Variants in CCDC81 observed in about 807,000 individuals in gnomAD.
The protein encoded by CCDC81 is coiled-coil domain containing 81.
CCDC81 carries 79 observed loss-of-function variants against 83.7 expected under a neutral mutation model. The observed-to-expected ratio is 0.94, with a 90% CI of 0.79 to 1.14. The LOEUF is 1.14. Ranked by LOEUF, CCDC81 falls within the 50% of genes most tolerant of loss-of-function variation. The pLI, the probability that CCDC81 is intolerant of heterozygous loss-of-function variation, is 0.00. For missense variants in CCDC81, 791 were observed against 778.1 expected (o/e 1.02, Z -0.20); for synonymous variants, 252 against 278.1 (o/e 0.91, Z 0.93).
At chr11:86,400,145 A>AAG (rs1011827049) in intron 6 of CCDC81, among the ~76,000 whole-genome samples, 2 of 151,310 alleles carry the variant, frequency 1.3e-5, no homozygotes, top group African/African-American at 4.9e-5. Context: ...AAAAAAAAAA[A>AAG]AAAGAAAAAG....
At chr11:86,407,843 G>T in intron 8 of CCDC81, 142 bp downstream of exon 8, 1 of 685,734 alleles carries the variant, frequency 1.5e-6, no homozygotes, top group Non-Finnish European at 2.5e-6. Flanking sequence ...ACTAGACTGT[G>T]ATAAATCTAT....
intron 13 of CCDC81, among the ~76,000 whole-genome samples, chr11:86,418,775 G>A (rs886852081): frequency 1.3e-5 from 2 of 152,118 alleles, no homozygotes; most frequent in Non-Finnish European, 2.9e-5. Context: ...ACGTGAAGGC[G>A]TTCTGGAGAT....
intron 1 of CCDC81, among the ~76,000 whole-genome samples, chr11:86,379,857 G>A (rs1308095720): frequency 1.3e-5 from 2 of 152,114 alleles, no homozygotes; most frequent in Admixed American, 6.5e-5. Context: ...GGTGGCACAC[G>A]ACTGTAGTCC....
intron 1 of CCDC81, among the ~76,000 whole-genome samples, chr11:86,384,342 G>A (rs1948212437): frequency 6.6e-6 from 1 of 152,116 alleles, no homozygotes; most frequent in South Asian, 2.1e-4. Flanking sequence ...AACAAGGTAG[G>A]GTGGGCAGAG....
intron 13 of CCDC81, chr11:86,419,434 G>T (rs1404184736): frequency 1.3e-5 from 2 of 152,170 alleles, no homozygotes; most frequent in Non-Finnish European, 2.9e-5. Flanking sequence ...CAATGTTAAT[G>T]TTTTCTCTAT....
chr11:86,381,862 G>C (rs981323663), intron 1 of CCDC81, among the ~76,000 whole-genome samples: 2 of 152,152 alleles, frequency 1.3e-5, no homozygotes, highest in Admixed American at 6.6e-5. Flanking sequence ...AATTTGAGCT[G>C]AGTTGTGAAG....
intron 6 of CCDC81, 86 bp from the exon 7 acceptor site, chr11:86,400,592 A>G (rs1948472368): frequency 7.7e-7 from 1 of 1,300,924 alleles, no homozygotes. Context: ...TGTATCTTAT[A>G]TGAAAATTTC....
chr11:86,404,959 A>G (rs1456733738), intron 7 of CCDC81, among the ~76,000 whole-genome samples: 2 of 152,182 alleles, frequency 1.3e-5, no homozygotes, highest in Non-Finnish European at 2.9e-5. Flanking sequence ...CTTCTTTTCT[A>G]GCTTGAGTAC....
chr11:86,420,945 A>G (rs1382326038), intron 14 of CCDC81, among the ~76,000 whole-genome samples: 1 of 152,182 alleles, frequency 6.6e-6, no homozygotes, highest in Non-Finnish European at 1.5e-5. Flanking sequence ...GAAGGCAGGT[A>G]AAAGTCAGTG....
At chr11:86,421,396 G>A (rs7932514) in intron 14 of CCDC81, among the ~76,000 whole-genome samples, 51,713 of 151,664 alleles carry the variant, frequency 0.34, 9,297 homozygotes, top group Admixed American at 0.41. Context: ...TGCAAGCTCC[G>A]TCTCCTGGGT....
intron 1 of CCDC81, among the ~76,000 whole-genome samples, chr11:86,381,253 T>C (rs1948173390): frequency 6.6e-6 from 1 of 152,246 alleles, no homozygotes; most frequent in South Asian, 2.1e-4. Flanking sequence ...TAGGCTCTGA[T>C]AATATCCCAG....
At chr11:86,380,750 T>C (rs548168210) in intron 1 of CCDC81, among the ~76,000 whole-genome samples, 1 of 152,356 alleles carries the variant, frequency 6.6e-6, no homozygotes, top group South Asian at 2.1e-4. Context: ...TCATTTCTGT[T>C]ACAGTGTTTT....
intron 1 of CCDC81, among the ~76,000 whole-genome samples, chr11:86,380,977 T>C (rs934363305): frequency 6.6e-6 from 1 of 152,234 alleles, no homozygotes; most frequent in Non-Finnish European, 1.5e-5. Flanking sequence ...TGCCTTTTAG[T>C]ATGCCTTGTA....
intron 13 of CCDC81, 34 bp downstream of exon 13, chr11:86,415,347 C>T (rs1464360433): frequency 6.5e-7 from 1 of 1,538,060 alleles, no homozygotes; most frequent in Non-Finnish European, 9.0e-7. Flanking sequence ...CCCTCCACTT[C>T]TCCTCACTTA....
chr11:86,377,968 CTTTTTT>C (rs61157417), intron 1 of CCDC81, among the ~76,000 whole-genome samples: 3 of 73,350 alleles, frequency 4.1e-5, no homozygotes, highest in African/African-American at 5.2e-5. Flanking sequence ...TGCCTAGGTT[CTTTTTT>C]TTTTTTTTTT....
Position 86,386,030 on chromosome 11 carries a change from CT to C in CCDC81, c.80-20del. ...GGTGCGCATATAAATTGAATAATTT[CT>C]GGTTACTTTTGAATTTCAGAAGTCT... is the stretch of plus-strand genomic sequence containing the variant. On this transcript the variant is annotated intron_variant, in intron 1 of 14. Coordinates refer to ENST00000445632, the MANE Select transcript of CCDC81 (RefSeq NM_001156474.2). 7.1e-7 allele frequency: 1 copy of C among 1,402,072 alleles called. No homozygotes were observed. The highest frequency in any genetic ancestry group is 9.9e-7 in the Non-Finnish European group (1 of 1,009,914). 86.9% of individuals were successfully genotyped at this position (1,402,072 alleles called of 1,614,324 possible).
At chr11:86,409,185 T>C (rs1001051643) in intron 9 of CCDC81, 76 bp from the exon 10 acceptor site, 5 of 651,850 alleles carry the variant, frequency 7.7e-6, no homozygotes, top group Non-Finnish European at 9.5e-6. Flanking sequence ...TGTAATAGAA[T>C]TAAAATTTTT....
chr11:86,413,727 C>T (rs1286446606), intron 11 of CCDC81, among the ~76,000 whole-genome samples: 2 of 152,128 alleles, frequency 1.3e-5, no homozygotes, highest in Non-Finnish European at 2.9e-5. Context: ...GTTCAAATGA[C>T]CTCATGGCAA....
rs1948816149 is a variant in CCDC81, at chr11:86,422,954, G to C, written c.*239G>C. The C allele has an allele frequency of 2.2e-6, 1 of 451,390 alleles. No homozygotes were observed. The highest frequency in any genetic ancestry group is 3.9e-5 in the East Asian group (1 of 25,498). The allele number at this position is 451,390 out of a possible 1,614,324, so 28.0% of individuals were successfully genotyped here. A position where few individuals can be genotyped will look rare whatever the true frequency, so the allele number is the denominator to read the frequency against. ...GGTGTCTGAATGGTCCTGAGGGCTA[G>C]AACCTGCTGCACAGGGGCTGGGAAT... On this transcript the variant is annotated 3_prime_UTR_variant, in exon 15 of 15. Transcript: ENST00000445632.
Sources: gnomAD v4.1 joint callset for allele counts (sites outside exome capture counted in the v4.1 genomes callset) on GRCh38, gnomAD v4.1.1 for gene constraint, MANE v1.5 for transcripts, NCBI Gene and HGNC (gene_info 2026-07-23, HGNC 2026-07-21) for gene names.